ANKRD29: variants seen among roughly 807,000 people sequenced by gnomAD.
ANKRD29 encodes ankyrin repeat domain-containing protein 29.
Under a neutral mutation model 38.0 loss-of-function variants are expected in ANKRD29, and 32 were observed. The ratio of observed to expected loss-of-function variants is 0.84; its 90% CI spans 0.64 to 1.13. The LOEUF is 1.13. Among genes scored for constraint, ANKRD29 ranks in the 50% most tolerant of loss-of-function variants. The probability of loss-of-function intolerance (pLI) is 0.00; values close to 1 mark genes in which losing one functional copy is unlikely to be tolerated. For synonymous variants in ANKRD29, 135 were observed against 152.4 expected (o/e 0.89, Z 0.84); for missense variants, 357 against 377.9 (o/e 0.94, Z 0.46).
chr18:23,603,813 T>C (rs1200927036), intron 9 of ANKRD29, among the ~76,000 whole-genome samples: 1 of 151,954 alleles, frequency 6.6e-6, no homozygotes, highest in Admixed American at 6.6e-5. Context: ...CTAATGCAAC[T>C]CCATCTTGGA....
chr18:23,638,742 T>G, intron 4 of ANKRD29, 107 bp downstream of exon 4: 1 of 907,190 alleles, frequency 1.1e-6, no homozygotes, highest in Non-Finnish European at 1.6e-6. Context: ...GGTTTGAGAA[T>G]CTTGTAAAAA....
chr18:23,655,309 C>T (rs73394220), intron 1 of ANKRD29, among the ~76,000 whole-genome samples: 2,300 of 152,150 alleles, frequency 0.015, 52 homozygotes, highest in African/African-American at 0.054. Flanking sequence ...CAACGATTAA[C>T]CAGCATTAAT....
chr18:23,617,665 C>A (rs961245583), intron 8 of ANKRD29, 67 bp downstream of exon 8: 9 of 1,374,420 alleles, frequency 6.5e-6, no homozygotes, highest in Non-Finnish European at 9.3e-6. Context: ...TCGACACAGT[C>A]CCCAAGTGAG....
intron 6 of ANKRD29, among the ~76,000 whole-genome samples, chr18:23,622,923 T>C (rs1402443822): frequency 2.0e-5 from 3 of 152,228 alleles, no homozygotes; most frequent in Non-Finnish European, 4.4e-5. Flanking sequence ...AAATATATCA[T>C]CTTAATTGGA....
At chr18:23,625,937 C>T (rs2059856745) in intron 6 of ANKRD29, among the ~76,000 whole-genome samples, 1 of 152,314 alleles carries the variant, frequency 6.6e-6, no homozygotes, top group South Asian at 2.1e-4. Flanking sequence ...GCACTGATCA[C>T]TAAATGCTGC....
chr18:23,636,539 T>A (rs914276836), intron 4 of ANKRD29, among the ~76,000 whole-genome samples: 2 of 152,070 alleles, frequency 1.3e-5, no homozygotes, highest in African/African-American at 4.8e-5. Flanking sequence ...GTGCTGGAAT[T>A]ACAGGTGTGA....
At position 23,662,744 on chromosome 18, in the gene ANKRD29, C is replaced by G; in HGVS notation, c.-14G>C. 2 of 1,462,478 alleles carry G rather than the reference C, an allele frequency of 1.4e-6. No individual in the cohort carries two copies. The highest frequency in any genetic ancestry group is 9.0e-7 in the Non-Finnish European group (1 of 1,110,792). 90.6% of individuals were successfully genotyped at this position (1,462,478 alleles called of 1,614,324 possible). A position where few individuals can be genotyped will look rare whatever the true frequency, so the allele number is the denominator to read the frequency against. ...CATCCTGCACATGTCCGCGGCCGCC[C>G]GAGCGGGAGCCGGCGCGCTTTGGGC... On this transcript the variant is annotated 5_prime_UTR_variant, in exon 1 of 10. Transcript: ENST00000592179.
At chr18:23,602,138 G>A (rs2059521145) in intron 9 of ANKRD29, among the ~76,000 whole-genome samples, 1 of 151,176 alleles carries the variant, frequency 6.6e-6, no homozygotes, top group African/African-American at 2.4e-5. Flanking sequence ...CTGGGTTCAA[G>A]CAATTCTCCT....
rs953946071 is a variant in ANKRD29, at chr18:23,662,893, C to A, written c.-163G>T. On this transcript the variant is annotated 5_prime_UTR_variant, in exon 1 of 10. Coordinates refer to ENST00000592179, the MANE Select transcript of ANKRD29 (RefSeq NM_173505.4). The stretch of plus-strand genomic sequence containing the variant: ...CGGCAGCAGCCGCCGCACACAGGGC[C>A]GGGCCGAAGGGGCGGCGCGGGGGCG... 3.8e-4 allele frequency: 193 copies of A among 504,884 alleles called. No individual in the cohort carries two copies. Among genetic ancestry groups the A allele is most frequent in the African/African-American group, 3.7e-3 (179 of 47,970 alleles). 31.3% of individuals were successfully genotyped at this position (504,884 alleles called of 1,614,324 possible).
intron 6 of ANKRD29, among the ~76,000 whole-genome samples, chr18:23,626,442 T>C (rs532371027): frequency 1.3e-5 from 2 of 152,266 alleles, no homozygotes; most frequent in African/African-American, 2.4e-5. Flanking sequence ...ATTTGGTTAA[T>C]AGAAAAATAG....
intron 2 of ANKRD29, 47 bp downstream of exon 2, chr18:23,649,036 A>G (rs2060176659): frequency 6.8e-7 from 1 of 1,465,270 alleles, no homozygotes; most frequent in Non-Finnish European, 9.4e-7. Flanking sequence ...CTGTGCCCAC[A>G]GAGGGCAATG....
At chr18:23,639,113 G>T (rs1489214502) in intron 3 of ANKRD29, among the ~76,000 whole-genome samples, 166 bp from the exon 4 acceptor site, 1 of 152,220 alleles carries the variant, frequency 6.6e-6, no homozygotes, top group African/African-American at 2.4e-5. Context: ...AGTGACAAAA[G>T]GAAAGGAAAA....
intron 4 of ANKRD29, 151 bp from the exon 5 acceptor site, chr18:23,634,300 T>A: frequency 3.0e-6 from 1 of 335,486 alleles, no homozygotes; most frequent in Non-Finnish European, 5.9e-6. Context: ...TTTTTTTTTT[T>A]TTTTTTTGAG....
At chr18:23,624,256 C>CACT (rs1204466166) in intron 6 of ANKRD29, among the ~76,000 whole-genome samples, 1 of 151,386 alleles carries the variant, frequency 6.6e-6, no homozygotes, top group African/African-American at 2.4e-5. Context: ...CACTTGAGGC[C>CACT]TGGAGTTTGA....
rs533470662 is a variant in ANKRD29, at chr18:23,649,409, T to C, written c.22-216A>G. On this transcript the variant is annotated intron_variant, in intron 1 of 9. Transcript: ENST00000592179. ...CACATGGCTATGAAGAGCAGTGTTG[T>C]TGATAATCCAGCACTATTAATAACC... 79 of 703,210 alleles carry C rather than the reference T, an allele frequency of 1.1e-4. No homozygotes were observed. In the East Asian group the frequency reaches 1.3e-3, roughly 12 times the overall value. 43.6% of individuals were successfully genotyped at this position (703,210 alleles called of 1,614,324 possible). A position where few individuals can be genotyped will look rare whatever the true frequency, so the allele number is the denominator to read the frequency against.
At chr18:23,612,277 A>G in intron 8 of ANKRD29, 87 bp from the exon 9 acceptor site, 1 of 1,221,570 alleles carries the variant, frequency 8.2e-7, no homozygotes, top group Admixed American at 2.0e-5. Context: ...TCTGGGTGAT[A>G]AGACTGTAAC....
chr18:23,626,246 C>A (rs1158704543), intron 6 of ANKRD29, among the ~76,000 whole-genome samples: 1 of 152,204 alleles, frequency 6.6e-6, no homozygotes, highest in Non-Finnish European at 1.5e-5. Context: ...TAGGAGATGG[C>A]ACTTTATTAG....
At chr18:23,643,009 C>T (rs1351689480) in intron 3 of ANKRD29, among the ~76,000 whole-genome samples, 2 of 152,312 alleles carry the variant, frequency 1.3e-5, no homozygotes, top group East Asian at 3.9e-4. Flanking sequence ...CTTTTCCTTT[C>T]CATAAGGGAA....
Position 23,662,768 on chromosome 18 carries a change from G to A in ANKRD29, c.-38C>T. The A allele has an allele frequency of 6.9e-7, 1 of 1,448,384 alleles. No homozygotes were observed. Among genetic ancestry groups the A allele is most frequent in the Non-Finnish European group, 9.1e-7 (1 of 1,103,144 alleles). 89.7% of individuals were successfully genotyped at this position (1,448,384 alleles called of 1,614,324 possible). A position where few individuals can be genotyped will look rare whatever the true frequency, so the allele number is the denominator to read the frequency against. The stretch of plus-strand genomic sequence containing the variant: ...CCGAGCGGGAGCCGGCGCGCTTTGG[G>A]CCCGGGGCGCCTTGTCCTCCCCGGC... On this transcript the variant is annotated 5_prime_UTR_variant, in exon 1 of 10. Coordinates refer to ENST00000592179, the MANE Select transcript of ANKRD29 (RefSeq NM_173505.4).
Sources: allele counts gnomAD v4.1 joint callset (sites outside exome capture counted in the v4.1 genomes callset), GRCh38; gene constraint gnomAD v4.1.1; transcripts MANE v1.5; gene names NCBI Gene and HGNC (gene_info 2026-07-23, HGNC 2026-07-21).